The following GSDMD variants were observed in gnomAD, a reference collection of about 807,000 sequenced individuals.
GSDMD encodes gasdermin D.
A neutral mutation model predicts 46.7 loss-of-function variants in GSDMD; 46 were observed. That is an observed-to-expected ratio of 0.99 (90% CI 0.78 to 1.26). The LOEUF is 1.26. GSDMD is among the 50% of genes most tolerant of loss of function. The pLI, the probability that GSDMD is intolerant of heterozygous loss-of-function variation, is 0.00. For missense variants in GSDMD, 649 were observed against 638.8 expected (o/e 1.02, Z -0.17); for synonymous variants, 307 against 283.1 (o/e 1.08, Z -0.85).
chr8:143,559,874 A>T lies in GSDMD; in HGVS notation c.315A>T (p.Ala105=). Residue 105 remains alanine (A), a synonymous_variant, in exon 3 of 11, where the codon GCA becomes GCT. Transcript: ENST00000262580. Reference sequence around the variant, plus strand: ...CAGCCCCAGGACAGGCAAAGATCGCAGGCGGGGCCGCGGTGTCTGACAGCT... The same window carrying T: ...CAGCCCCAGGACAGGCAAAGATCGCTGGCGGGGCCGCGGTGTCTGACAGCT... ...ELAAPGQAKI[A]GGAAVSDSSS... The T allele has an allele frequency of 6.2e-7, 1 of 1,612,810 alleles. No individual in the cohort carries two copies. The highest frequency in any genetic ancestry group is 1.1e-5 in the South Asian group (1 of 91,086).
chr8:143,560,138 T>G, intron 3 of GSDMD, 169 bp downstream of exon 3: 1 of 739,388 alleles, frequency 1.4e-6, no homozygotes, highest in African/African-American at 1.7e-5. Context: ...CCTCCCAAAG[T>G]GCTGGGATTA....
upstream of GSDMD, among the ~76,000 whole-genome samples, chr8:143,554,067 G>A (rs1823256294): frequency 8.8e-6 from 1 of 113,400 alleles, no homozygotes; most frequent in African/African-American, 2.7e-5. Flanking sequence ...GAGGCAGCGA[G>A]GCTGTACAGG....
chr8:143,557,023 C>T (rs891830923), upstream of GSDMD, among the ~76,000 whole-genome samples: 29 of 152,368 alleles, frequency 1.9e-4, no homozygotes, highest in South Asian at 6.2e-4. Context: ...TCCCGGGCAC[C>T]GGCAGCGCCA....
At chr8:143,561,702 C>A in intron 6 of GSDMD, 40 bp from the exon 7 acceptor site, 1 of 1,520,106 alleles carries the variant, frequency 6.6e-7, no homozygotes, top group East Asian at 2.4e-5. Flanking sequence ...ACACCCTTCC[C>A]CGGCACTGAC....
intron 5 of GSDMD, 55 bp downstream of exon 5, chr8:143,561,159 G>A (rs563264535): frequency 2.0e-5 from 30 of 1,525,358 alleles, no homozygotes; most frequent in South Asian, 1.7e-4. Context: ...AAACAGGGAG[G>A]CCTGGGGAGA....
chr8:143,558,675 C>G (rs369489222), intron 1 of GSDMD: 1 of 576,532 alleles, frequency 1.7e-6, no homozygotes, highest in African/African-American at 2.0e-5. Context: ...CCAGGTCCGC[C>G]ATCCAGGTTC....
upstream of GSDMD, chr8:143,557,918 G>A (rs937130441): frequency 1.6e-5 from 7 of 446,166 alleles, no homozygotes; most frequent in East Asian, 7.3e-5. Context: ...TTTTTGAGAC[G>A]GAGTCTCACT....
At chr8:143,560,375 G>A in intron 3 of GSDMD, 2 of 642,078 alleles carry the variant, frequency 3.1e-6, no homozygotes, top group Non-Finnish European at 5.6e-6. Flanking sequence ...CGGGGGCCCA[G>A]GTGAGGGGGC....
At position 143,560,996 on chromosome 8, in the gene GSDMD, C is replaced by T. The variant is rs756404570; in HGVS notation, c.580-6C>T. The T allele has an allele frequency of 3.1e-6, 5 of 1,611,494 alleles. No individual in the cohort carries two copies. Among genetic ancestry groups the T allele is most frequent in the East Asian group, 4.5e-5 (2 of 44,860 alleles). ...GCCCAGCCCCGAGCCCATCTCCATG[C>T]CTCAGGGTGAGGGCCAGGGCCATCT... On this transcript the variant is annotated splice_polypyrimidine_tract_variant and splice_region_variant and intron_variant, in intron 4 of 10. Transcript: ENST00000262580.
At position 143,562,193 on chromosome 8, in the gene GSDMD, C is replaced by T. The variant is rs1173586643; in HGVS notation, c.997-16C>T. ...GCCCAGCCAGCCAGACTCACCTGCC[C>T]TTCCCGTGCCCACAGCTGGAGCAGG... On this transcript the variant is annotated splice_polypyrimidine_tract_variant and intron_variant, in intron 8 of 10. Transcript: ENST00000262580. 1 of 1,587,616 alleles carries T rather than the reference C, an allele frequency of 6.3e-7. No homozygotes were observed. The highest frequency in any genetic ancestry group is 8.5e-7 in the Non-Finnish European group (1 of 1,173,694).
Position 143,562,121 on chromosome 8 carries a change from TGGA to T in GSDMD, c.992_994del (p.Glu331del). ...CGGGACCAGCTGGCCCTGCGAGCCT[TGGA>T]GGAGGCGGTGAGCGGGGGAGGGTGC... On this transcript the variant is annotated inframe_deletion, in exon 8 of 11. Coordinates refer to ENST00000262580, the MANE Select transcript of GSDMD (RefSeq NM_024736.7). 1 of 1,598,258 alleles carries T rather than the reference TGGA, an allele frequency of 6.3e-7. No individual in the cohort carries two copies. Among genetic ancestry groups the T allele is most frequent in the Non-Finnish European group, 8.5e-7 (1 of 1,178,726 alleles).
upstream of GSDMD, among the ~76,000 whole-genome samples, chr8:143,553,948 A>G (rs374630489): frequency 6.8e-6 from 1 of 146,272 alleles, no homozygotes. Flanking sequence ...CTTCCCGGAA[A>G]ATAAGCCTGG....
At chr8:143,559,743 G>A (rs1004062218) in intron 2 of GSDMD, 34 bp from the exon 3 acceptor site, 17 of 1,551,586 alleles carry the variant, frequency 1.1e-5, no homozygotes, top group Non-Finnish European at 1.3e-5. Flanking sequence ...GAGGCGGGGC[G>A]CTGGGCACAG....
chr8:143,554,424 G>T (rs1029633072), upstream of GSDMD, among the ~76,000 whole-genome samples: 1 of 147,672 alleles, frequency 6.8e-6, no homozygotes, highest in African/African-American at 2.5e-5. Flanking sequence ...GTATGCACAC[G>T]CGCACAAACA....
At chr8:143,562,420 A>C (rs777849126) in intron 9 of GSDMD, 28 bp from the exon 10 acceptor site, 8 of 1,594,694 alleles carry the variant, frequency 5.0e-6, no homozygotes, top group Non-Finnish European at 6.8e-6. Context: ...GGCGTTCAGA[A>C]ACCCCCTTTT....
intron 1 of GSDMD, 78 bp from the exon 2 acceptor site, chr8:143,559,254 C>T: frequency 9.1e-6 from 8 of 876,300 alleles, no homozygotes; most frequent in Admixed American, 4.8e-5. Context: ...TCATGGGAGA[C>T]ATCCAAGTAC....
upstream of GSDMD, among the ~76,000 whole-genome samples, chr8:143,554,654 G>T (rs182656108): frequency 2.1e-5 from 3 of 145,658 alleles, no homozygotes; most frequent in African/African-American, 5.2e-5. Context: ...CAACACACAC[G>T]TGCATACACA....
intron 2 of GSDMD, 61 bp from the exon 3 acceptor site, chr8:143,559,716 C>T (rs1823402413): frequency 1.3e-6 from 2 of 1,501,648 alleles, no homozygotes; most frequent in Non-Finnish European, 9.0e-7. Context: ...TGGGACAGGG[C>T]TGGTGGGGGC....
chr8:143,558,336 G>T, upstream of GSDMD: 1 of 1,522,456 alleles, frequency 6.6e-7, no homozygotes, highest in Non-Finnish European at 8.8e-7. Flanking sequence ...GGCGGGCCCT[G>T]CGTCAGGTTG....
Sources: allele counts gnomAD v4.1 joint callset (sites outside exome capture counted in the v4.1 genomes callset), GRCh38; gene constraint gnomAD v4.1.1; transcripts MANE v1.5; gene names NCBI Gene and HGNC (gene_info 2026-07-23, HGNC 2026-07-21).